NELL1: variants seen among roughly 807,000 people sequenced by gnomAD.
NELL1 encodes the protein neural EGFL like 1, also known as protein kinase C-binding protein NELL1.
Under a neutral mutation model 107.4 loss-of-function variants are expected in NELL1, and 76 were observed. The observed-to-expected ratio is 0.71, with a 90% CI of 0.59 to 0.86. The LOEUF (loss-of-function observed/expected upper bound fraction) is 0.86, where lower values mean the gene tolerates loss of function less well. Among genes scored for constraint, NELL1 ranks in the 40% least tolerant of loss-of-function variants. The pLI, the probability that NELL1 is intolerant of heterozygous loss-of-function variation, is 0.00. For synonymous variants in NELL1, 353 were observed against 341.2 expected (o/e 1.03, Z -0.38); for missense variants, 1,024 against 1,005.5 (o/e 1.02, Z -0.25).
At chr11:21,528,215 T>G (rs1206493728) in intron 15 of NELL1, among the ~76,000 whole-genome samples, 2 of 152,202 alleles carry the variant, frequency 1.3e-5, no homozygotes, top group African/African-American at 4.8e-5. Context: ...TTTAGATTGA[T>G]CTCATTCAAT....
rs564440428 is a variant in NELL1 at position 21,511,110 on chromosome 11, T to A, written c.1646-23264T>A. 2.8e-3 allele frequency among the ~76,000 whole-genome samples: 431 copies of A among 152,298 alleles called. 5 individuals are homozygous for A. Among genetic ancestry groups the A allele is most frequent in the African/African-American group, 9.9e-3 (411 of 41,570 alleles). On this transcript the variant is annotated intron_variant, in intron 15 of 19. Coordinates refer to ENST00000357134, the MANE Select transcript of NELL1 (RefSeq NM_006157.5). ...AGTAAGCTAATTCTTGTAAAGCACT[T>A]AGAAGAGTGCTTGGCAGAGTGTGTG...
chr11:21,104,323 T>C (rs763083775), intron 12 of NELL1, among the ~76,000 whole-genome samples: 1 of 152,180 alleles, frequency 6.6e-6, no homozygotes, highest in Non-Finnish European at 1.5e-5. Context: ...AAATACCAGG[T>C]TGGGAAGAAA....
chr11:20,972,532 A>G (rs1851522602), intron 12 of NELL1, among the ~76,000 whole-genome samples: 1 of 152,144 alleles, frequency 6.6e-6, no homozygotes, highest in Non-Finnish European at 1.5e-5. Context: ...AGATAGAATT[A>G]GAAACTAGAG....
intron 14 of NELL1, among the ~76,000 whole-genome samples, chr11:21,351,222 A>G (rs1158807598): frequency 6.6e-6 from 1 of 152,112 alleles, no homozygotes; most frequent in Non-Finnish European, 1.5e-5. Context: ...CAGATCCTCC[A>G]ATGTGAACCT....
At chr11:21,276,921 G>A (rs11025997) in intron 14 of NELL1, among the ~76,000 whole-genome samples, 59,853 of 147,896 alleles carry the variant, frequency 0.4, 11,414 homozygotes, top group South Asian at 0.57. Context: ...AGACTTAAAT[G>A]TTAGACCTAA....
In NELL1 at chr11:20,960,533, G is replaced by C; in HGVS notation, c.1273G>C (p.Val425Leu). ...TGAGTGCAAGAGTGGTTACATCTCT[G>C]TCCAGGGAGACTCTGCCTACTGTGA... ...TCECKSGYIS[V>L]QGDSAYCEDI... Residue 425 changes from valine to leucine, a missense_variant, in exon 12 of 20, where the codon GTC becomes CTC. Coordinates refer to ENST00000357134, the MANE Select transcript of NELL1 (RefSeq NM_006157.5). The C allele has an allele frequency of 6.2e-7, 1 of 1,613,970 alleles. No individual in the cohort carries two copies.
At chr11:21,462,446 T>TC (rs879828184) in intron 15 of NELL1, among the ~76,000 whole-genome samples, 58 of 152,154 alleles carry the variant, frequency 3.8e-4, no homozygotes, top group Middle Eastern at 3.4e-3. Flanking sequence ...TTGTTTTCTT[T>TC]CCCCCCTCTA....
chr11:21,492,327 G>C (rs1854843841), intron 15 of NELL1, among the ~76,000 whole-genome samples: 1 of 152,100 alleles, frequency 6.6e-6, no homozygotes, highest in South Asian at 2.1e-4. Flanking sequence ...CATTGTGGAA[G>C]TCAGTGTGGT....
At chr11:21,277,887 CG>C (rs1848904467) in intron 14 of NELL1, among the ~76,000 whole-genome samples, 1 of 151,932 alleles carries the variant, frequency 6.6e-6, no homozygotes, top group Non-Finnish European at 1.5e-5. Context: ...CATCACACAC[CG>C]GGGCCTGTTG....
intron 2 of NELL1, among the ~76,000 whole-genome samples, chr11:20,754,849 G>C (rs1327230065): frequency 6.6e-6 from 1 of 152,144 alleles, no homozygotes; most frequent in East Asian, 1.9e-4. Flanking sequence ...CTGAAGATTT[G>C]TCATTTGGAG....
chr11:20,825,358 T>C (rs970553815), intron 3 of NELL1, among the ~76,000 whole-genome samples: 1 of 151,126 alleles, frequency 6.6e-6, no homozygotes, highest in Non-Finnish European at 1.5e-5. Flanking sequence ...ACCGACATCT[T>C]GTGCCATGAA....
chr11:21,134,196 A>C (rs1352866731), intron 13 of NELL1, among the ~76,000 whole-genome samples: 1 of 152,216 alleles, frequency 6.6e-6, no homozygotes, highest in East Asian at 1.9e-4. Flanking sequence ...AAAGTCTATG[A>C]TTCTAAGTGG....
intron 14 of NELL1, among the ~76,000 whole-genome samples, chr11:21,267,162 A>C (rs958559681): frequency 6.6e-6 from 1 of 152,144 alleles, no homozygotes; most frequent in African/African-American, 2.4e-5. Context: ...CTACATCCTC[A>C]TGGTATAGAA....
At chr11:21,001,683 G>A (rs1590524387) in intron 12 of NELL1, among the ~76,000 whole-genome samples, 1 of 151,768 alleles carries the variant, frequency 6.6e-6, no homozygotes, top group African/African-American at 2.4e-5. Flanking sequence ...GAAAATAAGA[G>A]AGCCTCAGAC....
intron 14 of NELL1, among the ~76,000 whole-genome samples, chr11:21,240,445 A>G (rs1038084063): frequency 6.6e-6 from 1 of 152,006 alleles, no homozygotes; most frequent in Non-Finnish European, 1.5e-5. Context: ...ATTTAGGCCC[A>G]GAGAAGGTTA....
At chr11:21,377,978 T>C (rs1215846718) in intron 15 of NELL1, among the ~76,000 whole-genome samples, 1 of 152,032 alleles carries the variant, frequency 6.6e-6, no homozygotes, top group African/African-American at 2.4e-5. Flanking sequence ...CATTGTAGGA[T>C]GTTTAACATC....
At chr11:21,423,664 A>T (rs1453158612) in intron 15 of NELL1, among the ~76,000 whole-genome samples, 1 of 152,214 alleles carries the variant, frequency 6.6e-6, no homozygotes, top group Non-Finnish European at 1.5e-5. Flanking sequence ...ACTCAACAAC[A>T]AAAGAATACA....
intron 14 of NELL1, among the ~76,000 whole-genome samples, chr11:21,266,769 T>C (rs1229407032): frequency 1.3e-5 from 2 of 152,088 alleles, no homozygotes; most frequent in African/African-American, 2.4e-5. Context: ...CGATCAGTTA[T>C]AGCACGTGTC....
At chr11:20,802,071 G>A (rs1223752687) in intron 3 of NELL1, among the ~76,000 whole-genome samples, 4 of 152,046 alleles carry the variant, frequency 2.6e-5, no homozygotes, top group Non-Finnish European at 5.9e-5. Context: ...TGGGTCTTTT[G>A]TAATTCCATA....
Sources: gnomAD v4.1 joint callset for allele counts (sites outside exome capture counted in the v4.1 genomes callset) on GRCh38, gnomAD v4.1.1 for gene constraint, MANE v1.5 for transcripts, NCBI Gene and HGNC (gene_info 2026-07-23, HGNC 2026-07-21) for gene names.